OSBPL6: variants seen among roughly 807,000 people sequenced by gnomAD.
OSBPL6 encodes the protein oxysterol-binding protein-related protein 6.
Under a neutral mutation model 125.8 loss-of-function variants are expected in OSBPL6, and 49 were observed. That is an observed-to-expected ratio of 0.39 (90% confidence interval 0.31 to 0.49). The LOEUF (loss-of-function observed/expected upper bound fraction) is 0.49, where lower values mean the gene tolerates loss of function less well. OSBPL6 is among the 20% of genes least tolerant of loss of function. The pLI, the probability that OSBPL6 is intolerant of heterozygous loss-of-function variation, is 0.88. For synonymous variants in OSBPL6, 394 were observed against 391.8 expected, an observed-to-expected ratio of 1.01 and a Z score of -0.07; for missense variants, 986 against 1,135.4, an observed-to-expected ratio of 0.87 and a Z score of 1.89.
chr2:178,288,241 C>A (rs990588122), intron 2 of OSBPL6, among the ~76,000 whole-genome samples: 2 of 152,146 alleles, frequency 1.3e-5, no homozygotes, highest in African/African-American at 4.8e-5. Context: ...CAAGGAGCAC[C>A]TAATCTGAAG....
At chr2:178,243,659 C>CT (rs1344189075) in intron 1 of OSBPL6, among the ~76,000 whole-genome samples, 8 of 152,012 alleles carry the variant, frequency 5.3e-5, no homozygotes, top group African/African-American at 1.9e-4. Flanking sequence ...TTTTTTGTTT[C>CT]TTTGTTTGTT....
intron 2 of OSBPL6, among the ~76,000 whole-genome samples, chr2:178,296,911 T>C (rs998291093): frequency 5.9e-5 from 9 of 152,216 alleles, no homozygotes; most frequent in Non-Finnish European, 1.0e-4. Flanking sequence ...GATATGTGGG[T>C]AATGGCTTGC....
At chr2:178,250,067 C>G (rs61440148) in intron 1 of OSBPL6, among the ~76,000 whole-genome samples, 176 of 152,260 alleles carry the variant, frequency 1.2e-3, no homozygotes, top group African/African-American at 3.8e-3. Flanking sequence ...TACCATAGTT[C>G]CCACTTCACA....
At chr2:178,338,194 A>C (rs1463710450) in intron 9 of OSBPL6, among the ~76,000 whole-genome samples, 2 of 151,996 alleles carry the variant, frequency 1.3e-5, no homozygotes, top group Admixed American at 6.6e-5. Context: ...CTGCCTCCCG[A>C]CGTGCTGGGA....
intron 1 of OSBPL6, among the ~76,000 whole-genome samples, chr2:178,209,391 G>A (rs1345480289): frequency 6.9e-6 from 1 of 144,846 alleles, no homozygotes; most frequent in Admixed American, 6.8e-5. Flanking sequence ...CAATTTTCCA[G>A]CTTTTCTATT....
intron 1 of OSBPL6, among the ~76,000 whole-genome samples, chr2:178,208,320 A>G (rs1382078966): frequency 6.6e-6 from 1 of 151,690 alleles, no homozygotes; most frequent in East Asian, 1.9e-4. Context: ...GAAAGAAACA[A>G]AGTGCCATCC....
At chr2:178,214,905 A>G (rs1349189165) in intron 1 of OSBPL6, among the ~76,000 whole-genome samples, 1 of 152,062 alleles carries the variant, frequency 6.6e-6, no homozygotes, top group East Asian at 1.9e-4. Context: ...GTGAGCTGTG[A>G]TCATACCACT....
intron 1 of OSBPL6, among the ~76,000 whole-genome samples, chr2:178,198,657 A>AATAAATAC (rs1553517717): frequency 1.3e-5 from 2 of 151,556 alleles, no homozygotes; most frequent in African/African-American, 2.4e-5. Context: ...TAAATAAATA[A>AATAAATAC]GAGAACTGCG....
chr2:178,357,031 G>A (rs1691857720), intron 12 of OSBPL6, among the ~76,000 whole-genome samples: 1 of 152,332 alleles, frequency 6.6e-6, no homozygotes. Flanking sequence ...AAACTGGCTA[G>A]CCATATGTAG....
In OSBPL6 at chr2:178,384,979, A is replaced by G. The variant is rs926859209; in HGVS notation, c.2014-479A>G. Among the ~76,000 whole-genome samples, 3 of 152,268 alleles carry G rather than the reference A, an allele frequency of 2.0e-5. No homozygotes were observed. The East Asian group carries it at 5.8e-4, about 29-fold the overall frequency. Reference sequence around the variant, plus strand: ...TTTTCACACAGTTAAGAAAACTAACACAAGAACAGAAAACCAAACACCGCA... The same window carrying G: ...TTTTCACACAGTTAAGAAAACTAACGCAAGAACAGAAAACCAAACACCGCA... On this transcript the variant is annotated intron_variant, in intron 18 of 24. Coordinates refer to ENST00000190611, the MANE Select transcript of OSBPL6 (RefSeq NM_032523.4).
At chr2:178,258,165 A>G (rs964523529) in intron 1 of OSBPL6, among the ~76,000 whole-genome samples, 1 of 150,722 alleles carries the variant, frequency 6.6e-6, no homozygotes, top group Non-Finnish European at 1.5e-5. Context: ...CAGTGGCGCG[A>G]TCTTGGCTCA....
At chr2:178,377,336 T>C (rs1439477959) in intron 15 of OSBPL6, among the ~76,000 whole-genome samples, 1 of 152,122 alleles carries the variant, frequency 6.6e-6, no homozygotes, top group Non-Finnish European at 1.5e-5. Context: ...ACGCAAGAAC[T>C]CACTCACGAT....
At chr2:178,353,189 C>T (rs1355402161) in intron 12 of OSBPL6, among the ~76,000 whole-genome samples, 1 of 152,216 alleles carries the variant, frequency 6.6e-6, no homozygotes, top group Non-Finnish European at 1.5e-5. Context: ...ACCTCTTCTC[C>T]TCTAAAGGAT....
chr2:178,230,457 C>T (rs529340198), intron 1 of OSBPL6: 3 of 152,244 alleles, frequency 2.0e-5, no homozygotes, highest in East Asian at 3.9e-4. Flanking sequence ...CTGGGTTCCT[C>T]GGAAAAGTGG....
At position 178,289,799 on chromosome 2, in the gene OSBPL6, T is replaced by G. The variant is rs1685067557; in HGVS notation, c.-156+4678T>G. Among the ~76,000 whole-genome samples, 3 of 152,054 alleles carry G rather than the reference T, an allele frequency of 2.0e-5. No individual in the cohort carries two copies. The South Asian group carries it at 6.2e-4, about 32-fold the overall frequency. ...AATAGAACTTTCCACATACTAGGTT[T>G]GGCTGATTGTTGTTACTTAACTTTT... is the stretch of plus-strand genomic sequence containing the variant. On this transcript the variant is annotated intron_variant, in intron 2 of 24. Transcript: ENST00000190611.
chr2:178,227,667 A>G (rs2090620560), intron 1 of OSBPL6, among the ~76,000 whole-genome samples: 1 of 152,252 alleles, frequency 6.6e-6, no homozygotes, highest in South Asian at 2.1e-4. Flanking sequence ...TTAGCAATGC[A>G]ATATTAAATG....
chr2:178,364,394 T>A (rs1402592095), intron 13 of OSBPL6, among the ~76,000 whole-genome samples: 1 of 152,216 alleles, frequency 6.6e-6, no homozygotes, highest in Non-Finnish European at 1.5e-5. Flanking sequence ...GCAAGGCTAG[T>A]TGGACAGATT....
rs1377186721 is a variant in OSBPL6, at chr2:178,380,280, T to TA, written c.1534-2131dup. On this transcript the variant is annotated intron_variant, in intron 15 of 24. Transcript: ENST00000190611. ...GTAACGTAGCAAGACCCTTCATCTC[T>TA]AAAAAAAAATTTATTTTTTAATTGG... 1.1e-4 allele frequency among the ~76,000 whole-genome samples: 16 copies of TA among 150,498 alleles called. No homozygotes were observed. In the East Asian group the frequency reaches 1.8e-3, roughly 16 times the overall value.
chr2:178,262,661 A>AAGCTACTTATTAAGACTAT (rs1353416821), intron 1 of OSBPL6, among the ~76,000 whole-genome samples: 2 of 152,230 alleles, frequency 1.3e-5, no homozygotes, highest in Non-Finnish European at 2.9e-5. Context: ...AAGTAGCTTA[A>AAGCTACTTATTAAGACTAT]TAGTCTCCCT....
Sources: gnomAD v4.1 joint callset for allele counts (sites outside exome capture counted in the v4.1 genomes callset) on GRCh38, gnomAD v4.1.1 for gene constraint, MANE v1.5 for transcripts, NCBI Gene and HGNC (gene_info 2026-07-23, HGNC 2026-07-21) for gene names.